Variants in ATP8B1 observed in about 807,000 individuals in gnomAD.
The protein encoded by ATP8B1 is ATPase phospholipid transporting 8B1, also known as phospholipid-transporting ATPase IC.
ATP8B1 carries 80 observed loss-of-function variants against 149.9 expected under a neutral mutation model. The ratio of observed to expected loss-of-function variants is 0.53; its 90% confidence interval spans 0.45 to 0.64. The LOEUF (loss-of-function observed/expected upper bound fraction) is 0.64, where lower values mean the gene tolerates loss of function less well. Ranked by LOEUF, ATP8B1 falls within the 30% of genes least tolerant of loss-of-function variation. The pLI is 0.00. For missense variants in ATP8B1, 1,247 were observed against 1,552.6 expected (o/e 0.80, Z 3.31); for synonymous variants, 536 against 562.8 (o/e 0.95, Z 0.67).
intron 4 of ATP8B1, among the ~76,000 whole-genome samples, chr18:57,703,604 A>G (rs1197801988): frequency 6.6e-6 from 1 of 151,944 alleles, no homozygotes; most frequent in Non-Finnish European, 1.5e-5. Context: ...GAATCTGAAA[A>G]AACCAGGTGG....
At chr18:57,690,799 G>A (rs951442176) in intron 12 of ATP8B1, among the ~76,000 whole-genome samples, 8 of 152,258 alleles carry the variant, frequency 5.3e-5, no homozygotes, top group African/African-American at 1.9e-4. Flanking sequence ...ATGAACTCTG[G>A]CTGCTGGGTT....
At chr18:57,768,123 C>T (rs1053644879) in intron 1 of ATP8B1, among the ~76,000 whole-genome samples, 5 of 152,034 alleles carry the variant, frequency 3.3e-5, no homozygotes, top group Non-Finnish European at 5.9e-5. Context: ...CAGTGGCTCA[C>T]GCCTGTAATC....
intron 16 of ATP8B1, among the ~76,000 whole-genome samples, chr18:57,674,212 C>G (rs1439036186): frequency 7.4e-6 from 1 of 135,892 alleles, no homozygotes; most frequent in East Asian, 2.2e-4. Context: ...CACCACTGCA[C>G]TCCTGGGTGA....
chr18:57,648,315 C>A lies in ATP8B1; in HGVS notation c.*173G>T. 1 of 826,756 alleles carries A rather than the reference C, an allele frequency of 1.2e-6. No homozygotes were observed. 51.2% of individuals were successfully genotyped at this position (826,756 alleles called of 1,614,324 possible). A position where few individuals can be genotyped will look rare whatever the true frequency, so the allele number is the denominator to read the frequency against. ...AATAGGACTTTTAAAAGTCCTATTT[C>A]TTGGCTCTGCTATTGTTTAATAGTC... On this transcript the variant is annotated 3_prime_UTR_variant, in exon 28 of 28. Coordinates refer to ENST00000648908, the MANE Select transcript of ATP8B1 (RefSeq NM_001374385.1).
chr18:57,661,274 G>T lies in ATP8B1; in HGVS notation c.2607C>A (p.Thr869=), dbSNP rs751994606. 1.9e-6 allele frequency: 3 copies of T among 1,613,950 alleles called. No homozygotes were observed. The South Asian group carries it at 3.3e-5, about 18-fold the overall frequency. ...CCACCACCATGGCCTTCTGCTTGGG[G>T]GTGACGCGGCAGCAGATGACTGCGC... is the stretch of plus-strand genomic sequence containing the variant. The part of the protein sequence containing the change: ...ECSAVICCRV[T]PKQKAMVVDL... The change falls in exon 22 of 28, where the codon ACC becomes ACA. Residue 869 remains threonine, a synonymous_variant. Transcript: ENST00000648908.
chr18:57,677,148 G>A (rs977938567), intron 15 of ATP8B1, among the ~76,000 whole-genome samples: 3 of 152,214 alleles, frequency 2.0e-5, no homozygotes, highest in African/African-American at 4.8e-5. Context: ...TCGTAGTCAG[G>A]AAAGTACTTT....
At chr18:57,687,773 ATTTTTTTT>A (rs11342488) in intron 13 of ATP8B1, among the ~76,000 whole-genome samples, 2 of 95,244 alleles carry the variant, frequency 2.1e-5, no homozygotes, top group African/African-American at 7.7e-5. Context: ...GAGACTTCTA[ATTTTTTTT>A]TTTTTTTTTT....
intron 18 of ATP8B1, chr18:57,668,761 T>G: frequency 2.0e-6 from 1 of 497,822 alleles, no homozygotes; most frequent in Non-Finnish European, 3.5e-6. Flanking sequence ...ATGAACTATT[T>G]AATTTACCAA....
At chr18:57,742,623 G>C (rs1308696905) in intron 1 of ATP8B1, among the ~76,000 whole-genome samples, 1 of 152,098 alleles carries the variant, frequency 6.6e-6, no homozygotes, top group Admixed American at 6.6e-5. Context: ...TTTGAGGCCA[G>C]GAGTTCAAGA....
chr18:57,771,970 T>C, intron 1 of ATP8B1, among the ~76,000 whole-genome samples: 1 of 152,200 alleles, frequency 6.6e-6, no homozygotes, highest in East Asian at 1.9e-4. Flanking sequence ...ATCTCTATAA[T>C]GTTTATACTC....
chr18:57,689,878 T>C (rs1171127994), intron 12 of ATP8B1, among the ~76,000 whole-genome samples: 1 of 152,120 alleles, frequency 6.6e-6, no homozygotes, highest in East Asian at 1.9e-4. Flanking sequence ...TAGCCAGGCA[T>C]AGTGGCATGT....
intron 1 of ATP8B1, among the ~76,000 whole-genome samples, chr18:57,769,252 C>T (rs28494882): frequency 1.2e-3 from 187 of 152,324 alleles, no homozygotes; most frequent in African/African-American, 4.3e-3. Context: ...GCCTGCCCCA[C>T]GACTCTTCCA....
chr18:57,695,133 T>G (rs1912742825), intron 10 of ATP8B1, 38 bp downstream of exon 10: 2 of 1,584,808 alleles, frequency 1.3e-6, no homozygotes. Context: ...TCTTTAAAGA[T>G]CATAGCTGAT....
intron 21 of ATP8B1, 112 bp downstream of exon 21, chr18:57,662,371 A>G (rs1910515888): frequency 7.6e-7 from 1 of 1,323,730 alleles, no homozygotes; most frequent in Non-Finnish European, 1.1e-6. Flanking sequence ...ACTTTCATGT[A>G]TAGGCTAAGA....
chr18:57,732,215 GTGTATATATGTATATATGTGTATATATA>G (rs2079783235), intron 1 of ATP8B1, among the ~76,000 whole-genome samples: 1 of 40,664 alleles, frequency 2.5e-5, no homozygotes, highest in African/African-American at 7.6e-5. Flanking sequence ...ATGTATATAT[GTGTATATATGTATATATGTGTATATATA>G]TGTATATATG....
intron 20 of ATP8B1, among the ~76,000 whole-genome samples, 195 bp downstream of exon 20, chr18:57,666,897 A>T (rs1910894989): frequency 6.6e-6 from 1 of 152,140 alleles, no homozygotes; most frequent in Non-Finnish European, 1.5e-5. Flanking sequence ...CTAAAAGTAA[A>T]ATCTGCTCAA....
At chr18:57,688,184 ACT>A in intron 13 of ATP8B1, 113 bp downstream of exon 13, 3 of 1,150,740 alleles carry the variant, frequency 2.6e-6, no homozygotes, top group Non-Finnish European at 3.9e-6. Flanking sequence ...TAGCAGCAGG[ACT>A]CTGCATCGAG....
chr18:57,654,635 T>C (rs942058660), intron 23 of ATP8B1, among the ~76,000 whole-genome samples: 11 of 150,610 alleles, frequency 7.3e-5, no homozygotes, highest in Non-Finnish European at 1.0e-4. Flanking sequence ...TCGCTACTCT[T>C]AATGTCAACA....
At chr18:57,667,530 AT>A (rs1910949686) in intron 19 of ATP8B1, 1 of 247,400 alleles carries the variant, frequency 4.0e-6, no homozygotes, top group African/African-American at 2.2e-5. Context: ...CAAACACACT[AT>A]TTTTCTATAG....
Sources: allele counts gnomAD v4.1 joint callset (sites outside exome capture counted in the v4.1 genomes callset), GRCh38; gene constraint gnomAD v4.1.1; transcripts MANE v1.5; gene names NCBI Gene and HGNC (gene_info 2026-07-23, HGNC 2026-07-21).